KLRD1: variants seen among roughly 807,000 people sequenced by gnomAD.
KLRD1 encodes killer cell lectin like receptor D1, also known as natural killer cells antigen CD94.
In KLRD1, 21 loss-of-function variants were observed where a neutral mutation model predicts 22.6. That is an observed-to-expected ratio of 0.93 (90% CI 0.66 to 1.34). KLRD1 has a LOEUF of 1.34. Among genes scored for constraint, KLRD1 ranks in the 40% most tolerant of loss-of-function variants. The pLI, the probability that KLRD1 is intolerant of heterozygous loss-of-function variation, is 0.00. For missense variants in KLRD1, 183 were observed against 208.6 expected, an observed-to-expected ratio of 0.88 and a Z score of 0.76; for synonymous variants, 59 against 71.1, an observed-to-expected ratio of 0.83 and a Z score of 0.85.
At chr12:10,284,190 AAACAACAGT>A (rs1404339952) in intron 1 of KLRD1, among the ~76,000 whole-genome samples, 2 of 151,580 alleles carry the variant, frequency 1.3e-5, no homozygotes, top group East Asian at 3.8e-4. Flanking sequence ...CTCTCTCAAA[AAACAACAGT>A]AACAACAACA....
intron 1 of KLRD1, among the ~76,000 whole-genome samples, chr12:10,296,535 A>C (rs1027183002): frequency 3.3e-5 from 5 of 151,546 alleles, no homozygotes; most frequent in Non-Finnish European, 5.9e-5. Context: ...AATAAAAAAA[A>C]CCACACACAC....
chr12:10,245,274 C>T (rs1314004398), intron 1 of KLRD1, among the ~76,000 whole-genome samples: 1 of 152,176 alleles, frequency 6.6e-6, no homozygotes, highest in Non-Finnish European at 1.5e-5. Context: ...AGGAGAATCG[C>T]TTGAACCTGG....
intron 1 of KLRD1, among the ~76,000 whole-genome samples, chr12:10,242,092 A>G (rs1334228051): frequency 4.7e-4 from 6 of 12,702 alleles, no homozygotes; most frequent in African/African-American, 7.1e-4. Context: ...TTTTTTTTTC[A>G]GAGAAGAGTG....
rs1357556990 is a variant in KLRD1, at chr12:10,326,924, T to C, written c.*12131T>C. On this transcript the variant is annotated 3_prime_UTR_variant, in exon 6 of 6. Coordinates refer to ENST00000336164, the MANE Select transcript of KLRD1 (RefSeq NM_002262.5). Reference sequence around the variant, plus strand: ...AGCTGTTTGTTTGCTATAGTCCTACTTGTCTATTCTTGCTTTTGTTGCCTG... The same window carrying C: ...AGCTGTTTGTTTGCTATAGTCCTACCTGTCTATTCTTGCTTTTGTTGCCTG... 2 of 152,212 alleles carry C rather than the reference T, an allele frequency of 1.3e-5. No homozygotes were observed. Among genetic ancestry groups the C allele is most frequent in the East Asian group, 3.8e-4 (2 of 5,202 alleles). The allele number at this position is 152,212 out of a possible 1,614,324, so 9.4% of individuals were successfully genotyped here. A position where few individuals can be genotyped will look rare whatever the true frequency, so the allele number is the denominator to read the frequency against.
chr12:10,314,543 G>T, intron 5 of KLRD1, 130 bp from the exon 6 acceptor site: 2 of 698,884 alleles, frequency 2.9e-6, no homozygotes, highest in East Asian at 3.4e-5. Flanking sequence ...TGTGGTTACT[G>T]AAAAAAAAAG....
In KLRD1 at chr12:10,315,545, C is replaced by T. The variant is rs930154904; in HGVS notation, c.*752C>T. On this transcript the variant is annotated 3_prime_UTR_variant, in exon 6 of 6. Transcript: ENST00000336164. ...TTAATTTGAACTAAGAGAGCTTATG[C>T]ATTGCACTTTCTGGAGATTTGTAAT... 2 of 155,896 alleles carry T rather than the reference C, an allele frequency of 1.3e-5. No homozygotes were observed. Among genetic ancestry groups the T allele is most frequent in the African/African-American group, 4.8e-5 (2 of 41,462 alleles). The allele number at this position is 155,896 out of a possible 1,614,324, so 9.7% of individuals were successfully genotyped here. A position where few individuals can be genotyped will look rare whatever the true frequency, so the allele number is the denominator to read the frequency against.
intron 1 of KLRD1, among the ~76,000 whole-genome samples, chr12:10,241,057 C>T (rs1398705958): frequency 6.6e-6 from 1 of 152,124 alleles, no homozygotes. Context: ...CCTACTATTT[C>T]ATAATAAGAG....
intron 1 of KLRD1, among the ~76,000 whole-genome samples, chr12:10,243,434 CA>C (rs1199949309): frequency 6.6e-6 from 1 of 151,440 alleles, no homozygotes; most frequent in Non-Finnish European, 1.5e-5. Context: ...GCCAACATGG[CA>C]AAACCCCATC....
At chr12:10,270,071 G>A (rs1220440815) in intron 1 of KLRD1, among the ~76,000 whole-genome samples, 1 of 152,008 alleles carries the variant, frequency 6.6e-6, no homozygotes, top group East Asian at 1.9e-4. Flanking sequence ...ACATCTCACA[G>A]CTTGTGAATC....
intron 1 of KLRD1, among the ~76,000 whole-genome samples, chr12:10,260,089 T>C (rs984216396): frequency 2.3e-4 from 29 of 127,646 alleles, no homozygotes; most frequent in East Asian, 9.1e-4. Context: ...GGAGTATAAC[T>C]AGATGCTCAT....
chr12:10,302,666 G>C (rs993543016), upstream of KLRD1, among the ~76,000 whole-genome samples: 1 of 151,974 alleles, frequency 6.6e-6, no homozygotes, highest in Non-Finnish European at 1.5e-5. Flanking sequence ...AAACCATAAG[G>C]GTATAGAAAA....
intron 1 of KLRD1, among the ~76,000 whole-genome samples, chr12:10,245,560 TTAAC>T (rs1316589729): frequency 6.6e-6 from 1 of 152,168 alleles, no homozygotes; most frequent in East Asian, 1.9e-4. Flanking sequence ...CTGTTTGAAT[TTAAC>T]TATATAAATA....
At chr12:10,305,623 C>T (rs538729171), upstream of KLRD1, among the ~76,000 whole-genome samples, 6 of 152,084 alleles carry the variant, frequency 3.9e-5, no homozygotes, top group Non-Finnish European at 1.5e-5. Flanking sequence ...CGTTTGTTGA[C>T]GCCCATTCTG....
rs568065454 is a variant in KLRD1, at chr12:10,260,799, G to A, written c.-101+34566G>A. On this transcript the variant is annotated intron_variant, in intron 1 of 5. Coordinates refer to the KLRD1 transcript ENST00000544747. ...ACTAAAAAATACAAAAAAATTAGCC[G>A]GGTGTGGTGGTGGGCACCTGTAGTC... Among the ~76,000 whole-genome samples, 344 of 152,098 alleles carry A rather than the reference G, an allele frequency of 2.3e-3. 1 individual carries two copies. The highest frequency in any genetic ancestry group is 3.4e-3 in the Middle Eastern group (1 of 294).
Position 10,311,545 on chromosome 12 carries a change from G to C in KLRD1, c.245G>C (p.Trp82Ser). The C allele has an allele frequency of 6.2e-7, 1 of 1,614,100 alleles. No homozygotes were observed. The highest frequency in any genetic ancestry group is 2.2e-5 in the East Asian group (1 of 44,878). ...CYFISSEQKT[W>S]NESRHLCASQ... ...TTCATTTCCAGTGAACAGAAAACTT[G>C]GAACGAAAGTCGGCATCTCTGTGCT... The change falls in exon 4 of 6, where the codon TGG becomes TCG. Residue 82 changes from tryptophan to serine, a missense_variant. Coordinates refer to ENST00000336164, the MANE Select transcript of KLRD1 (RefSeq NM_002262.5).
upstream of KLRD1, among the ~76,000 whole-genome samples, chr12:10,299,473 A>C (rs199848200): frequency 9.2e-5 from 14 of 152,318 alleles, no homozygotes; most frequent in East Asian, 2.7e-3. Flanking sequence ...ATGTATATAA[A>C]AGTTATGTTT....
Position 10,308,089 on chromosome 12 carries a change from G to A in KLRD1, c.7+5G>A. ...GAACATAATTTCTCATGGCAGGTAT[G>A]TGTGATTTCAGTCACTAAATTAAAA... On this transcript the variant is annotated splice_donor_5th_base_variant and intron_variant, in intron 1 of 5. Transcript: ENST00000336164. 6.2e-7 allele frequency: 1 copy of A among 1,611,780 alleles called. No individual in the cohort carries two copies. Among genetic ancestry groups the A allele is most frequent in the Non-Finnish European group, 8.5e-7 (1 of 1,178,004 alleles).
intron 1 of KLRD1, among the ~76,000 whole-genome samples, chr12:10,260,965 C>CGA (rs1555102427): frequency 2.1e-5 from 1 of 46,724 alleles, no homozygotes; most frequent in Admixed American, 3.6e-4. Flanking sequence ...AACAAAAAAC[C>CGA]AAAAAAAAAA....
At position 10,321,355 on chromosome 12, in the gene KLRD1, C is replaced by T. The variant is rs1189142177; in HGVS notation, c.*6562C>T. On this transcript the variant is annotated 3_prime_UTR_variant, in exon 6 of 6. Transcript: ENST00000336164. ...AAGGAACTTCACCTGATGAGTCTCA[C>T]TCATACCTGGATGTGACAAATTTCG... 1 of 152,180 alleles carries T rather than the reference C, an allele frequency of 6.6e-6. No homozygotes were observed. Among genetic ancestry groups the T allele is most frequent in the African/African-American group, 2.4e-5 (1 of 41,446 alleles). The allele number at this position is 152,180 out of a possible 1,614,324, so 9.4% of individuals were successfully genotyped here.
Sources: allele counts gnomAD v4.1 joint callset (sites outside exome capture counted in the v4.1 genomes callset), GRCh38; gene constraint gnomAD v4.1.1; transcripts MANE v1.5; gene names NCBI Gene and HGNC (gene_info 2026-07-23, HGNC 2026-07-21).